Variants in SLC25A21 observed in about 807,000 individuals in gnomAD.
SLC25A21 encodes the protein mitochondrial 2-oxodicarboxylate carrier.
In SLC25A21, 47 loss-of-function variants were observed where a neutral mutation model predicts 43.8. The observed-to-expected ratio is 1.07, with a 90% CI of 0.85 to 1.37. SLC25A21 has a LOEUF of 1.37. SLC25A21 is among the 40% of genes most tolerant of loss of function. The pLI is 0.00. For missense variants in SLC25A21, 352 were observed against 350.2 expected, an observed-to-expected ratio of 1.00 and a Z score of -0.04; for synonymous variants, 131 against 121.3, an observed-to-expected ratio of 1.08 and a Z score of -0.52.
intron 1 of SLC25A21, among the ~76,000 whole-genome samples, chr14:37,150,686 T>C (rs916317143): frequency 1.3e-5 from 2 of 152,206 alleles, no homozygotes; most frequent in Non-Finnish European, 2.9e-5. Context: ...GCGCCATCTA[T>C]AGGTCTGCAC....
intron 5 of SLC25A21, among the ~76,000 whole-genome samples, chr14:36,727,179 A>T (rs58814477): frequency 0.036 from 5,417 of 152,196 alleles, 277 homozygotes; most frequent in African/African-American, 0.11. Flanking sequence ...AGAAGGGGCA[A>T]CTTTTCATTA....
At chr14:36,889,078 A>G (rs1160334218) in intron 1 of SLC25A21, among the ~76,000 whole-genome samples, 1 of 152,200 alleles carries the variant, frequency 6.6e-6, no homozygotes, top group Non-Finnish European at 1.5e-5. Flanking sequence ...GTTATTCTAC[A>G]CTGGCCTCTT....
intron 3 of SLC25A21, among the ~76,000 whole-genome samples, chr14:36,779,413 A>C (rs1886957307): frequency 6.9e-6 from 1 of 145,212 alleles, no homozygotes; most frequent in Admixed American, 7.0e-5. Context: ...ACATATTCTT[A>C]TATATATAAA....
At chr14:36,888,735 A>T (rs1042395375) in intron 1 of SLC25A21, among the ~76,000 whole-genome samples, 1 of 152,310 alleles carries the variant, frequency 6.6e-6, no homozygotes, top group Admixed American at 6.5e-5. Flanking sequence ...CCTCAAGCAA[A>T]TACACATCAT....
intron 1 of SLC25A21, among the ~76,000 whole-genome samples, chr14:37,029,090 C>T (rs981657659): frequency 6.6e-6 from 1 of 152,132 alleles, no homozygotes; most frequent in African/African-American, 2.4e-5. Flanking sequence ...GGTCAATGTT[C>T]CTTAAATAAG....
chr14:36,898,147 G>A (rs1891296773), intron 1 of SLC25A21, among the ~76,000 whole-genome samples: 2 of 151,950 alleles, frequency 1.3e-5, no homozygotes, highest in Admixed American at 1.3e-4. Flanking sequence ...GTCTACAGAG[G>A]CAGGCAGGCC....
chr14:36,795,900 G>A (rs931052907), intron 3 of SLC25A21, among the ~76,000 whole-genome samples: 10 of 152,134 alleles, frequency 6.6e-5, no homozygotes, highest in Non-Finnish European at 1.3e-4. Context: ...AGAGGATTGC[G>A]GGTAGAGGAA....
chr14:36,927,845 T>C (rs1594698644), intron 1 of SLC25A21, among the ~76,000 whole-genome samples: 2 of 152,266 alleles, frequency 1.3e-5, no homozygotes, highest in South Asian at 4.2e-4. Context: ...GATTCTGGAT[T>C]CTGAAATAAC....
chr14:36,779,010 A>T (rs888860710), intron 3 of SLC25A21, among the ~76,000 whole-genome samples: 6 of 151,644 alleles, frequency 4.0e-5, no homozygotes, highest in African/African-American at 1.4e-4. Flanking sequence ...TCACTATTCT[A>T]CTCTGTTTTT....
chr14:36,874,062 T>G (rs1566696789), intron 2 of SLC25A21, among the ~76,000 whole-genome samples: 2 of 152,350 alleles, frequency 1.3e-5, no homozygotes, highest in East Asian at 3.9e-4. Context: ...TATTTTTGCA[T>G]GCCACAGTCA....
In SLC25A21 at chr14:37,172,490, T is replaced by G; in HGVS notation, c.-140A>C. On this transcript the variant is annotated 5_prime_UTR_variant, in exon 1 of 10. Transcript: ENST00000331299. ...CCCTGTGGAGCAGCAATCCGGCGAC[T>G]GCTGGAAAGCGAGGGTTCGAGGCGC... The G allele has an allele frequency of 1.1e-6, 1 of 890,418 alleles. No individual in the cohort carries two copies. The highest frequency in any genetic ancestry group is 1.8e-6 in the Non-Finnish European group (1 of 545,220). The allele number at this position is 890,418 out of a possible 1,614,324, so 55.2% of individuals were successfully genotyped here. A position where few individuals can be genotyped will look rare whatever the true frequency, so the allele number is the denominator to read the frequency against.
chr14:36,855,408 G>A (rs1249411678), intron 2 of SLC25A21, among the ~76,000 whole-genome samples: 1 of 152,148 alleles, frequency 6.6e-6, no homozygotes, highest in Non-Finnish European at 1.5e-5. Flanking sequence ...TGGATATTGG[G>A]TAGCGAAGAG....
intron 1 of SLC25A21, among the ~76,000 whole-genome samples, chr14:37,050,183 G>T (rs934409431): frequency 5.3e-5 from 8 of 152,124 alleles, no homozygotes; most frequent in African/African-American, 1.9e-4. Flanking sequence ...TTATTTATGA[G>T]TGCAAAAATG....
intron 1 of SLC25A21, among the ~76,000 whole-genome samples, chr14:37,038,334 A>G (rs1439830794): frequency 1.3e-5 from 2 of 152,186 alleles, no homozygotes; most frequent in Non-Finnish European, 2.9e-5. Flanking sequence ...TGGCAAAATT[A>G]TAACTTTTGA....
intron 2 of SLC25A21, among the ~76,000 whole-genome samples, chr14:36,869,945 G>A (rs1890322310): frequency 6.6e-6 from 1 of 152,142 alleles, no homozygotes; most frequent in South Asian, 2.1e-4. Context: ...TTGACAATGT[G>A]GAAATAGTAG....
chr14:36,725,686 A>T lies in SLC25A21; in HGVS notation c.331-9T>A, dbSNP rs766664252. ...CCAGCAATGGCGAATGTCTAGAAAA[A>T]TTAAATCAATCAATACTTTAAAACA... On this transcript the variant is annotated splice_polypyrimidine_tract_variant and intron_variant, in intron 5 of 9. Transcript: ENST00000331299. The T allele has an allele frequency of 1.1e-5, 18 of 1,570,290 alleles. No homozygotes were observed. Among genetic ancestry groups the T allele is most frequent in the African/African-American group, 1.4e-5 (1 of 73,480 alleles).
chr14:36,838,598 C>T (rs1468681430), intron 2 of SLC25A21, among the ~76,000 whole-genome samples: 2 of 152,150 alleles, frequency 1.3e-5, no homozygotes, highest in African/African-American at 4.8e-5. Flanking sequence ...ATGGCCTGGG[C>T]TACAGAAAAT....
At chr14:36,685,313 A>G (rs1256690074) in intron 7 of SLC25A21, among the ~76,000 whole-genome samples, 1 of 152,218 alleles carries the variant, frequency 6.6e-6, no homozygotes, top group East Asian at 1.9e-4. Context: ...AATGACAGCA[A>G]CTTCCACCAT....
At chr14:36,857,493 C>T (rs558268259) in intron 2 of SLC25A21, among the ~76,000 whole-genome samples, 17 of 152,266 alleles carry the variant, frequency 1.1e-4, no homozygotes, top group Non-Finnish European at 2.1e-4. Flanking sequence ...TGCCCCCTTT[C>T]CACAAAACGT....
Sources: allele counts gnomAD v4.1 joint callset (sites outside exome capture counted in the v4.1 genomes callset), GRCh38; gene constraint gnomAD v4.1.1; transcripts MANE v1.5; gene names NCBI Gene and HGNC (gene_info 2026-07-23, HGNC 2026-07-21).